Variants in RUNDC1 observed in about 807,000 individuals in gnomAD.
RUNDC1 encodes RUN domain-containing protein 1.
A neutral mutation model predicts 49.3 loss-of-function variants in RUNDC1; 31 were observed. That is an observed-to-expected ratio of 0.63 (90% CI 0.47 to 0.85). The LOEUF (loss-of-function observed/expected upper bound fraction) is 0.85, where lower values mean the gene tolerates loss of function less well. Among genes scored for constraint, RUNDC1 ranks in the 40% least tolerant of loss-of-function variants. The probability of loss-of-function intolerance (pLI) is 0.00; values close to 1 mark genes in which losing one functional copy is unlikely to be tolerated. For missense variants in RUNDC1, 715 were observed against 806.7 expected (o/e 0.89, Z 1.38); for synonymous variants, 347 against 348.6 (o/e 1.00, Z 0.05).
intron 1 of RUNDC1, among the ~76,000 whole-genome samples, chr17:42,986,180 C>T (rs529757123): frequency 2.6e-5 from 4 of 151,654 alleles, no homozygotes; most frequent in East Asian, 2.0e-4. Context: ...TTCTTTGAGA[C>T]AGGGTCTTGT....
At chr17:42,983,732 C>T (rs979021494) in intron 1 of RUNDC1, among the ~76,000 whole-genome samples, 8 of 151,672 alleles carry the variant, frequency 5.3e-5, no homozygotes, top group African/African-American at 1.7e-4. Flanking sequence ...AATGCAGTGG[C>T]ACCATCTTGG....
In RUNDC1 at chr17:42,980,795, G is replaced by A. The variant is rs1279283757; in HGVS notation, c.219G>A (p.Pro73=). ...EEPGAAPGSP[P]DSPGRTLRRL... ...CTGGCGCGGCCCCGGGCTCCCCGCC[G>A]GATTCGCCGGGCCGGACGCTGCGGC... The change falls in exon 1 of 5, where the codon CCG becomes CCA. Residue 73 remains proline (P), a synonymous_variant. Coordinates refer to ENST00000361677, the MANE Select transcript of RUNDC1 (RefSeq NM_173079.5). 19 of 1,401,552 alleles carry A rather than the reference G, an allele frequency of 1.4e-5. No homozygotes were observed. The highest frequency in any genetic ancestry group is 1.6e-5 in the Non-Finnish European group (17 of 1,089,458). The allele number at this position is 1,401,552 out of a possible 1,614,324, so 86.8% of individuals were successfully genotyped here.
rs760501540 is a variant in RUNDC1 at position 42,980,936 on chromosome 17, G to A, written c.360G>A (p.Gln120=). ...TGCGCGGGGCGCCGGCGGAGCAGCA[G>A]CGCCTTCTGCGGGAGCTCGAAGACT... is the stretch of plus-strand genomic sequence containing the variant. The part of the protein sequence containing the change: ...QVVRGAPAEQ[Q]RLLRELEDFA... The change falls in exon 1 of 5, where the codon CAG becomes CAA. Residue 120 remains glutamine (Q), a synonymous_variant. Transcript: ENST00000361677. 1 of 1,538,100 alleles carries A rather than the reference G, an allele frequency of 6.5e-7. No individual in the cohort carries two copies. The highest frequency in any genetic ancestry group is 8.7e-7 in the Non-Finnish European group (1 of 1,148,654).
intron 1 of RUNDC1, among the ~76,000 whole-genome samples, chr17:42,983,729 T>C (rs904159323): frequency 2.0e-5 from 3 of 151,668 alleles, no homozygotes; most frequent in African/African-American, 7.3e-5. Context: ...TGGAATGCAG[T>C]GGCACCATCT....
At chr17:42,984,166 G>A (rs993911701) in intron 1 of RUNDC1, among the ~76,000 whole-genome samples, 2 of 151,474 alleles carry the variant, frequency 1.3e-5, no homozygotes, top group African/African-American at 4.9e-5. Flanking sequence ...TGTAGAGGTG[G>A]GGCTCTCCCT....
In RUNDC1 at chr17:42,991,476, A is replaced by G. The variant is rs1440717577; in HGVS notation, c.1602A>G (p.Ala534=). Reference sequence around the variant, plus strand: ...AGCATGACCCTTTTAAGCGCAGTGCAGACTCAGAATTGAAGGCCTTGGTGT... The same window carrying G: ...AGCATGACCCTTTTAAGCGCAGTGCGGACTCAGAATTGAAGGCCTTGGTGT... The part of the protein sequence containing the change: ...LTEHDPFKRS[A]DSELKALVCM... Residue 534 remains alanine (A), a synonymous_variant, in exon 5 of 5, where the codon GCA becomes GCG. Transcript: ENST00000361677. 6.2e-7 allele frequency: 1 copy of G among 1,614,214 alleles called. No homozygotes were observed. Among genetic ancestry groups the G allele is most frequent in the East Asian group, 2.2e-5 (1 of 44,888 alleles).
rs2050207554 is a variant in RUNDC1, at chr17:42,989,325, C to T, written c.658-16C>T. On this transcript the variant is annotated splice_polypyrimidine_tract_variant and intron_variant, in intron 2 of 4. Transcript: ENST00000361677. The stretch of plus-strand genomic sequence containing the variant: ...AAAATTCCAAAGGGTGTGCTCATTG[C>T]TTGTGATCTTGGTAGGTGATCATAG... 2 of 1,607,194 alleles carry T rather than the reference C, an allele frequency of 1.2e-6. No homozygotes were observed. Among genetic ancestry groups the T allele is most frequent in the East Asian group, 2.2e-5 (1 of 44,844 alleles).
At chr17:42,986,586 C>T (rs1304241229) in intron 1 of RUNDC1, among the ~76,000 whole-genome samples, 2 of 152,106 alleles carry the variant, frequency 1.3e-5, no homozygotes, top group African/African-American at 4.8e-5. Context: ...CAAGCTCCGC[C>T]TCCCGGGTTC....
chr17:42,990,318 T>A lies in RUNDC1; in HGVS notation c.858T>A (p.Asp286Glu). 3 of 1,613,346 alleles carry A rather than the reference T, an allele frequency of 1.9e-6. No homozygotes were observed. Among genetic ancestry groups the A allele is most frequent in the Non-Finnish European group, 2.5e-6 (3 of 1,179,772 alleles). The change falls in exon 4 of 5, where the codon GAT becomes GAA. Residue 286 changes from aspartate to glutamate, a missense_variant and splice_region_variant. Asp to Glu is a conservative substitution (Grantham distance 45). Transcript: ENST00000361677. ...DLEMFINFIQDEVGSPLQTGG... is the reference protein window; with the variant it reads ...DLEMFINFIQEEVGSPLQTGG... ...CTCTTCTATAATTTCTGATTCCAGA[T>A]GAAGTGGGAAGCCCCTTGCAGACAG...
At position 42,993,565 on chromosome 17, in the gene RUNDC1, G is replaced by C. The variant is rs891313775; in HGVS notation, c.*1849G>C. The C allele has an allele frequency of 1.3e-5, 2 of 152,162 alleles. No homozygotes were observed. Among genetic ancestry groups the C allele is most frequent in the African/African-American group, 2.4e-5 (1 of 41,442 alleles). The allele number at this position is 152,162 out of a possible 1,614,324, so 9.4% of individuals were successfully genotyped here. A position where few individuals can be genotyped will look rare whatever the true frequency, so the allele number is the denominator to read the frequency against. On this transcript the variant is annotated 3_prime_UTR_variant, in exon 5 of 5. Transcript: ENST00000361677. ...TGTTGTGGAAAATGATACATATGTG[G>C]ATGCTAATGAAATCATAGTATTTTG... is the stretch of plus-strand genomic sequence containing the variant.
rs1330674284 is a variant in RUNDC1 at position 42,990,865 on chromosome 17, G to A, written c.991G>A (p.Val331Met). ...TTTCTAAGCAGCAAAGGCAGAGGATGTGAAGAAAGTCCGGGAGACGGGGCT... is the reference window on the plus strand; with the variant it reads ...TTTCTAAGCAGCAAAGGCAGAGGATATGAAGAAAGTCCGGGAGACGGGGCT... ...PGNSKTKAED[V>M]KKVRETGLHL... Residue 331 changes from valine to methionine, a missense_variant, in exon 5 of 5, where the codon GTG becomes ATG. By Grantham distance (21) the Val-to-Met change is conservative. This residue lies in a region of RUNDC1 where 425 missense variants were observed against 499.7 expected (regional missense o/e 0.85). Coordinates refer to ENST00000361677, the MANE Select transcript of RUNDC1 (RefSeq NM_173079.5). The A allele has an allele frequency of 5.0e-6, 8 of 1,594,948 alleles. No individual in the cohort carries two copies. The highest frequency in any genetic ancestry group is 5.1e-6 in the Non-Finnish European group (6 of 1,166,390).
In RUNDC1 at chr17:42,995,064, C is replaced by T. The variant is rs1374088565; in HGVS notation, c.*3348C>T. On this transcript the variant is annotated 3_prime_UTR_variant, in exon 5 of 5. Transcript: ENST00000361677. The stretch of plus-strand genomic sequence containing the variant: ...AAGTAAACCTACCCCGTGCCCTCAA[C>T]AAACACAGTCTAGCAAAGGAGATAC... Among the ~76,000 whole-genome samples, 4 of 152,202 alleles carry T rather than the reference C, an allele frequency of 2.6e-5. No individual in the cohort carries two copies. The highest frequency in any genetic ancestry group is 4.4e-5 in the Non-Finnish European group (3 of 68,040).
chr17:42,988,392 A>G (rs1023480515), intron 2 of RUNDC1, among the ~76,000 whole-genome samples: 2 of 151,812 alleles, frequency 1.3e-5, no homozygotes, highest in African/African-American at 4.8e-5. Context: ...AGTTGAGATT[A>G]CAGGCATCCA....
chr17:42,990,167 A>G, intron 3 of RUNDC1, 150 bp from the exon 4 acceptor site: 3 of 947,684 alleles, frequency 3.2e-6, no homozygotes, highest in East Asian at 2.6e-5. Context: ...TGAGCCAACT[A>G]CTGTATGCCA....
At position 42,991,727 on chromosome 17, in the gene RUNDC1, C is replaced by G; in HGVS notation, c.*11C>G. 1 of 1,601,236 alleles carries G rather than the reference C, an allele frequency of 6.2e-7. No individual in the cohort carries two copies. Among genetic ancestry groups the G allele is most frequent in the Non-Finnish European group, 8.5e-7 (1 of 1,174,044 alleles). On this transcript the variant is annotated 3_prime_UTR_variant, in exon 5 of 5. Coordinates refer to ENST00000361677, the MANE Select transcript of RUNDC1 (RefSeq NM_173079.5). ...AAAGATGCCTTTTGATGAGAGTGCC[C>G]TAACCCCAGACAAGCTCCTTGTTCA...
chr17:42,980,882 G>C lies in RUNDC1; in HGVS notation c.306G>C (p.Ala102=). 2.0e-6 allele frequency: 3 copies of C among 1,504,000 alleles called. No homozygotes were observed. The highest frequency in any genetic ancestry group is 2.6e-6 in the Non-Finnish European group (3 of 1,133,086). The allele number at this position is 1,504,000 out of a possible 1,614,324, so 93.2% of individuals were successfully genotyped here. A position where few individuals can be genotyped will look rare whatever the true frequency, so the allele number is the denominator to read the frequency against. ...SALLALSSHF[A]QVQFRLRQVV... ...TGCTGGCGCTGTCCTCGCACTTCGC[G>C]CAGGTGCAGTTCCGCCTGCGCCAGG... Residue 102 remains alanine (A), a synonymous_variant, in exon 1 of 5, where the codon GCG becomes GCC. Coordinates refer to ENST00000361677, the MANE Select transcript of RUNDC1 (RefSeq NM_173079.5).
chr17:42,987,450 G>A (rs199502966), intron 2 of RUNDC1, 36 bp downstream of exon 2: 115 of 1,605,718 alleles, frequency 7.2e-5, no homozygotes, highest in Admixed American at 1.7e-4. Flanking sequence ...ACCACTGCCC[G>A]AGGTTAACTT....
At position 42,991,980 on chromosome 17, in the gene RUNDC1, C is replaced by T. The variant is rs538304037; in HGVS notation, c.*264C>T. ...CTGTAATCCCAGCACTTTGGGAGGC[C>T]GAGGCGGGCGGATCACAAGGTCAGG... On this transcript the variant is annotated 3_prime_UTR_variant, in exon 5 of 5. Coordinates refer to ENST00000361677, the MANE Select transcript of RUNDC1 (RefSeq NM_173079.5). The T allele has an allele frequency of 2.7e-4, 109 of 402,916 alleles. 1 individual carries two copies. Among genetic ancestry groups the T allele is most frequent in the South Asian group, 2.1e-3 (83 of 39,038 alleles). 25.0% of individuals were successfully genotyped at this position (402,916 alleles called of 1,614,324 possible).
Position 42,991,910 on chromosome 17 carries a change from C to T in RUNDC1, c.*194C>T. On this transcript the variant is annotated 3_prime_UTR_variant, in exon 5 of 5. Coordinates refer to ENST00000361677, the MANE Select transcript of RUNDC1 (RefSeq NM_173079.5). ...CTCGGAAAGATGTGCTGGAGGGACC[C>T]TCTTGTTAAGAAGGTTCTGCCAGGC... 1.6e-6 allele frequency: 1 copy of T among 624,336 alleles called. No individual in the cohort carries two copies. The highest frequency in any genetic ancestry group is 2.7e-6 in the Non-Finnish European group (1 of 365,778). The allele number at this position is 624,336 out of a possible 1,614,324, so 38.7% of individuals were successfully genotyped here.
Sources: allele counts gnomAD v4.1 joint callset (sites outside exome capture counted in the v4.1 genomes callset), GRCh38; gene constraint gnomAD v4.1.1; regional missense constraint gnomAD v4.1.1; transcripts MANE v1.5; gene names NCBI Gene and HGNC (gene_info 2026-07-23, HGNC 2026-07-21).